Variants in DMXL1 observed in about 807,000 individuals in gnomAD.
The protein encoded by DMXL1 is Dmx like 1.
A neutral mutation model predicts 319.2 loss-of-function variants in DMXL1; 99 were observed. That is an observed-to-expected ratio of 0.31 (90% CI 0.26 to 0.37). The LOEUF (loss-of-function observed/expected upper bound fraction) is 0.37, where lower values mean the gene tolerates loss of function less well. DMXL1 is among the 10% of genes least tolerant of loss of function. DMXL1 has a pLI of 1.00. For missense variants in DMXL1, 3,745 were observed against 3,595.6 expected (o/e 1.04, Z -1.06); for synonymous variants, 1,385 against 1,235.2 (o/e 1.12, Z -2.54).
At chr5:119,117,573 C>G (rs1379272094) in intron 7 of DMXL1, among the ~76,000 whole-genome samples, 1 of 151,438 alleles carries the variant, frequency 6.6e-6, no homozygotes, top group Non-Finnish European at 1.5e-5. Context: ...GAAAAAGATG[C>G]TAGGAAGGGA....
chr5:119,199,778 G>T (rs1009306097), intron 32 of DMXL1, among the ~76,000 whole-genome samples: 1 of 152,102 alleles, frequency 6.6e-6, no homozygotes. Flanking sequence ...CATTCTGACT[G>T]GTGTGAGATG....
chr5:119,131,277 G>A (rs1054081167), intron 10 of DMXL1, among the ~76,000 whole-genome samples: 7 of 151,994 alleles, frequency 4.6e-5, no homozygotes, highest in Admixed American at 1.3e-4. Context: ...CAGGAATTGG[G>A]GGAGGGTGAG....
At chr5:119,151,410 G>C (rs1056308734) in intron 18 of DMXL1, among the ~76,000 whole-genome samples, 1 of 152,194 alleles carries the variant, frequency 6.6e-6, no homozygotes, top group East Asian at 1.9e-4. Flanking sequence ...GAAAAATTAA[G>C]TTGGTTATGA....
rs114555611 is a variant in DMXL1 at position 119,180,075 on chromosome 5, T to C, written c.7135+1831T>C. ...AGAAAACATTATTTATTTGTTGGATTGCAATTTGCCAACCCCTGCTTTACA... is the reference window on the plus strand; with the variant it reads ...AGAAAACATTATTTATTTGTTGGATCGCAATTTGCCAACCCCTGCTTTACA... On this transcript the variant is annotated intron_variant, in intron 28 of 43. Transcript: ENST00000539542. 4.2e-3 allele frequency among the ~76,000 whole-genome samples: 637 copies of C among 152,330 alleles called. 3 individuals are homozygous for C. Among genetic ancestry groups the C allele is most frequent in the African/African-American group, 0.015 (604 of 41,582 alleles).
chr5:119,122,082 G>C (rs1406631654), intron 9 of DMXL1, among the ~76,000 whole-genome samples: 1 of 141,112 alleles, frequency 7.1e-6, no homozygotes, highest in Non-Finnish European at 1.6e-5. Flanking sequence ...CTGGCCGGGC[G>C]GGGGGCTGAC....
intron 43 of DMXL1, among the ~76,000 whole-genome samples, chr5:119,246,732 G>A (rs1024066342): frequency 2.0e-5 from 3 of 147,376 alleles, no homozygotes; most frequent in African/African-American, 7.5e-5. Flanking sequence ...CTCCCGGGTC[G>A]AAGCAGTTCT....
chr5:119,116,088 A>T, intron 6 of DMXL1, 70 bp from the exon 7 acceptor site: 1 of 1,424,042 alleles, frequency 7.0e-7, no homozygotes, highest in Non-Finnish European at 9.4e-7. Context: ...GAAAATTCTT[A>T]CTTTTGCTAT....
At chr5:119,236,727 T>G (rs1184853267) in intron 39 of DMXL1, 5 of 151,946 alleles carry the variant, frequency 3.3e-5, no homozygotes, top group Admixed American at 6.6e-5. Context: ...TTTTATATAC[T>G]TTATAATAAG....
intron 14 of DMXL1, 144 bp downstream of exon 14, chr5:119,144,074 C>T (rs910603659): frequency 1.9e-6 from 1 of 535,538 alleles, no homozygotes; most frequent in Non-Finnish European, 3.3e-6. Flanking sequence ...TAATAGATAA[C>T]ATATTATTGT....
chr5:119,210,739 T>A (rs949360522), intron 34 of DMXL1, among the ~76,000 whole-genome samples: 1 of 145,514 alleles, frequency 6.9e-6, no homozygotes, highest in African/African-American at 2.5e-5. Context: ...TTCTAAGTTC[T>A]TTTTTCTTTT....
chr5:119,182,033 C>T (rs1374870850), intron 28 of DMXL1, among the ~76,000 whole-genome samples: 1 of 152,018 alleles, frequency 6.6e-6, no homozygotes, highest in African/African-American at 2.4e-5. Flanking sequence ...TTATGTTGCC[C>T]TGAAAACTTA....
At chr5:119,240,767 T>C (rs574023972) in intron 42 of DMXL1, among the ~76,000 whole-genome samples, 1 of 152,336 alleles carries the variant, frequency 6.6e-6, no homozygotes, top group East Asian at 1.9e-4. Flanking sequence ...TTATGTCCCC[T>C]CTTACCACTC....
At chr5:119,210,200 C>T (rs1259457484) in intron 34 of DMXL1, among the ~76,000 whole-genome samples, 1 of 152,196 alleles carries the variant, frequency 6.6e-6, no homozygotes, top group Non-Finnish European at 1.5e-5. Context: ...ATCTGCCCAC[C>T]TCGGCCTCCT....
intron 25 of DMXL1, among the ~76,000 whole-genome samples, chr5:119,172,679 T>C (rs1415698817): frequency 2.0e-5 from 3 of 152,248 alleles, no homozygotes; most frequent in East Asian, 1.9e-4. Context: ...TTCAGACATA[T>C]TGAAATCCTT....
At chr5:119,178,729 T>C (rs1445792950) in intron 28 of DMXL1, 3 of 887,088 alleles carry the variant, frequency 3.4e-6, no homozygotes, top group Non-Finnish European at 2.7e-6. Context: ...ATCATTCAGC[T>C]TGCTTTGTGT....
intron 1 of DMXL1, among the ~76,000 whole-genome samples, chr5:119,096,231 C>T (rs900713481): frequency 6.7e-6 from 1 of 149,374 alleles, no homozygotes; most frequent in South Asian, 2.1e-4. Context: ...GGCTGGAGTG[C>T]AGTGGCGCGA....
chr5:119,157,137 C>A (rs980911453), intron 19 of DMXL1, among the ~76,000 whole-genome samples: 1 of 152,096 alleles, frequency 6.6e-6, no homozygotes, highest in African/African-American at 2.4e-5. Flanking sequence ...CAGGTGTGCA[C>A]CACTTGTGCC....
rs768207316 is a variant in DMXL1, at chr5:119,216,928, G to A, written c.7954G>A (p.Gly2652Ser). The A allele has an allele frequency of 6.3e-7, 1 of 1,599,440 alleles. No individual in the cohort carries two copies. The highest frequency in any genetic ancestry group is 1.7e-5 in the Admixed American group (1 of 57,924). ...KIEADLGYPG[G>S]KARIIHKESD... ...AGAAGCAGATTTGGGATATCCTGGA[G>A]GTAAAGCAAGAATTATTCATAAGGA... Residue 2652 changes from glycine to serine, a missense_variant, in exon 35 of 44, where the codon GGT (glycine) becomes AGT (serine). Coordinates refer to ENST00000539542, the MANE Select transcript of DMXL1 (RefSeq NM_001290321.3).
At chr5:119,232,941 AT>A (rs1277599811) in intron 38 of DMXL1, among the ~76,000 whole-genome samples, 1 of 151,826 alleles carries the variant, frequency 6.6e-6, no homozygotes, top group Non-Finnish European at 1.5e-5. Flanking sequence ...CTTTAATCTG[AT>A]TTTTTTCAAA....
Sources: allele counts gnomAD v4.1 joint callset (sites outside exome capture counted in the v4.1 genomes callset), GRCh38; gene constraint gnomAD v4.1.1; transcripts MANE v1.5; gene names NCBI Gene and HGNC (gene_info 2026-07-23, HGNC 2026-07-21).